The following SKIC3 variants were observed in gnomAD, a reference collection of about 807,000 sequenced individuals.
SKIC3 encodes the protein SKI3 subunit of superkiller complex.
the SKIC3 span, among the ~76,000 whole-genome samples, chr5:95,491,977 A>G: frequency 0.011 from 1,620 of 152,278 alleles, 27 homozygotes; most frequent in African/African-American, 0.036. Context: ...GTTTCTTATC[A>G]TATATCTGAA....
chr5:95,541,294 C>G, the SKIC3 span: 19 of 1,613,028 alleles, frequency 1.2e-5, no homozygotes, highest in Non-Finnish European at 5.1e-6. Context: ...GTCAGAAAAT[C>G]ATTCACCAAC....
the SKIC3 span, among the ~76,000 whole-genome samples, chr5:95,520,448 G>C: frequency 6.7e-6 from 1 of 148,628 alleles, no homozygotes; most frequent in Admixed American, 6.8e-5. Flanking sequence ...CAGAGCTGCT[G>C]TTCCACTAGC....
At chr5:95,505,556 G>GT in the SKIC3 span, among the ~76,000 whole-genome samples, 2 of 152,192 alleles carry the variant, frequency 1.3e-5, no homozygotes, top group African/African-American at 4.8e-5. Context: ...GCTCACGCCT[G>GT]TAATTCCAGC....
chr5:95,466,203 G>C, the SKIC3 span, among the ~76,000 whole-genome samples: 1 of 151,992 alleles, frequency 6.6e-6, no homozygotes, highest in East Asian at 1.9e-4. Context: ...AAATAATTTT[G>C]GATACATATA....
the SKIC3 span, among the ~76,000 whole-genome samples, chr5:95,535,404 G>A: frequency 1.2e-3 from 169 of 143,124 alleles, no homozygotes; most frequent in African/African-American, 4.5e-3. Flanking sequence ...TCCGCCTCCC[G>A]GGTTCACGCG....
the SKIC3 span, among the ~76,000 whole-genome samples, chr5:95,497,691 GA>G: frequency 1.9e-4 from 29 of 151,810 alleles, no homozygotes; most frequent in Non-Finnish European, 3.4e-4. Context: ...AAAATAAGAA[GA>G]AAAAAATCAA....
the SKIC3 span, chr5:95,468,076 T>C: frequency 6.3e-3 from 9,645 of 1,539,934 alleles, 60 homozygotes; most frequent in South Asian, 0.016. Flanking sequence ...ACATTATCTT[T>C]CTCATATTTT....
chr5:95,501,950 T>A, the SKIC3 span, among the ~76,000 whole-genome samples: 1 of 152,182 alleles, frequency 6.6e-6, no homozygotes, highest in Admixed American at 6.5e-5. Flanking sequence ...TGGGTTGGCT[T>A]TTCCTAACCA....
At chr5:95,475,431 C>G in the SKIC3 span, among the ~76,000 whole-genome samples, 2,471 of 152,130 alleles carry the variant, frequency 0.016, 29 homozygotes, top group Non-Finnish European at 0.026. Context: ...GTACATCCCC[C>G]CTCTCTCTCT....
the SKIC3 span, chr5:95,464,526 G>A: frequency 4.7e-6 from 5 of 1,074,782 alleles, no homozygotes; most frequent in East Asian, 5.2e-5. Flanking sequence ...TTAAAAAAAT[G>A]TTGCTTTGGG....
At chr5:95,541,236 G>C in the SKIC3 span, 3 of 1,460,066 alleles carry the variant, frequency 2.1e-6, no homozygotes, top group Admixed American at 3.4e-5. Context: ...AAAGTGCTGG[G>C]ATTACAGGTG....
chr5:95,512,598 A>G, the SKIC3 span: 1 of 1,614,028 alleles, frequency 6.2e-7, no homozygotes, highest in Non-Finnish European at 8.5e-7. Context: ...CCCAATACGC[A>G]TAACCTAATG....
the SKIC3 span, chr5:95,527,907 C>T: frequency 2.3e-6 from 3 of 1,288,360 alleles, no homozygotes; most frequent in Non-Finnish European, 3.4e-6. Flanking sequence ...ATTCATACCT[C>T]TAACACAAAA....
the SKIC3 span, among the ~76,000 whole-genome samples, chr5:95,549,631 C>T: frequency 6.6e-6 from 1 of 152,058 alleles, no homozygotes; most frequent in South Asian, 2.1e-4. Context: ...GCACTGAGGT[C>T]CTCTCTCACT....
chr5:95,516,678 A>G, the SKIC3 span: 1 of 1,613,292 alleles, frequency 6.2e-7, no homozygotes, highest in African/African-American at 1.3e-5. Context: ...TCACCACTGT[A>G]ACATGCAACC....
the SKIC3 span, among the ~76,000 whole-genome samples, chr5:95,544,985 T>A: frequency 6.6e-6 from 1 of 152,232 alleles, no homozygotes; most frequent in Admixed American, 6.5e-5. Flanking sequence ...ATTCATTTAG[T>A]CTCAACCAAT....
the SKIC3 span, among the ~76,000 whole-genome samples, chr5:95,505,375 T>A: frequency 2.6e-5 from 4 of 152,192 alleles, no homozygotes; most frequent in Non-Finnish European, 5.9e-5. Flanking sequence ...CCTTAGATTG[T>A]TTTTGGATAC....
the SKIC3 span, among the ~76,000 whole-genome samples, chr5:95,516,077 A>G: frequency 6.6e-6 from 1 of 152,314 alleles, no homozygotes; most frequent in African/African-American, 2.4e-5. Context: ...AAAAATGCTG[A>G]ATTGATTCAG....
the SKIC3 span, chr5:95,491,135 A>AT: frequency 1.3e-6 from 2 of 1,491,182 alleles, no homozygotes; most frequent in Non-Finnish European, 1.8e-6. Flanking sequence ...TTAAAAAAAA[A>AT]TTGTATCTAA....
Sources: allele counts gnomAD v4.1 joint callset (sites outside exome capture counted in the v4.1 genomes callset), GRCh38; gene constraint gnomAD v4.1.1; transcripts MANE v1.5; gene names NCBI Gene and HGNC (gene_info 2026-07-23, HGNC 2026-07-21).